WWOX: variants seen among roughly 807,000 people sequenced by gnomAD.
The protein encoded by WWOX is WW domain-containing oxidoreductase.
In WWOX, 69 loss-of-function variants were observed where a neutral mutation model predicts 46.2. The ratio of observed to expected loss-of-function variants is 1.49; its 90% CI spans 1.23 to 1.82. The LOEUF (loss-of-function observed/expected upper bound fraction) is 1.82, where lower values mean the gene tolerates loss of function less well. WWOX is among the 40% of genes most tolerant of loss of function. The pLI, the probability that WWOX is intolerant of heterozygous loss-of-function variation, is 0.00. For missense variants in WWOX, 919 were observed against 542.6 expected (o/e 1.69, Z -6.89); for synonymous variants, 359 against 202.6 (o/e 1.77, Z -6.56).
chr16:78,798,918 G>T (rs1405157034), intron 8 of WWOX, among the ~76,000 whole-genome samples: 1 of 152,148 alleles, frequency 6.6e-6, no homozygotes, highest in Non-Finnish European at 1.5e-5. Flanking sequence ...GACACCACTT[G>T]CTGCCAGTGG....
intron 8 of WWOX, among the ~76,000 whole-genome samples, chr16:79,079,077 A>G (rs945927919): frequency 1.3e-5 from 2 of 152,228 alleles, no homozygotes; most frequent in African/African-American, 4.8e-5. Flanking sequence ...GTGCCTTAAC[A>G]TAATATAAAA....
chr16:78,205,193 T>C (rs1452471707), intron 5 of WWOX, among the ~76,000 whole-genome samples: 1 of 152,060 alleles, frequency 6.6e-6, no homozygotes, highest in Non-Finnish European at 1.5e-5. Context: ...TCTTTTCCAG[T>C]GATGGGGATG....
At chr16:78,603,568 C>T (rs989148266) in intron 8 of WWOX, among the ~76,000 whole-genome samples, 2 of 152,092 alleles carry the variant, frequency 1.3e-5, no homozygotes, top group African/African-American at 4.8e-5. Context: ...GTGGCAGCCA[C>T]CTGTAGTCCC....
At chr16:79,048,519 A>G (rs534656559) in intron 8 of WWOX, among the ~76,000 whole-genome samples, 1 of 152,056 alleles carries the variant, frequency 6.6e-6, no homozygotes, top group South Asian at 2.1e-4. Flanking sequence ...GTAATCATAT[A>G]TATATATAAA....
intron 5 of WWOX, among the ~76,000 whole-genome samples, chr16:78,277,713 C>A (rs111545408): frequency 6.6e-6 from 1 of 152,098 alleles, no homozygotes; most frequent in South Asian, 2.1e-4. Flanking sequence ...CATGTTTGCA[C>A]GGTTTGGCTT....
intron 6 of WWOX, among the ~76,000 whole-genome samples, chr16:78,387,577 A>T (rs1209298586): frequency 6.6e-6 from 1 of 152,034 alleles, no homozygotes; most frequent in Non-Finnish European, 1.5e-5. Context: ...AGAAAGGGAG[A>T]GAAGCGGAAG....
intron 8 of WWOX, among the ~76,000 whole-genome samples, chr16:78,880,427 C>G (rs899151609): frequency 1.3e-5 from 2 of 152,314 alleles, no homozygotes; most frequent in South Asian, 4.1e-4. Flanking sequence ...GTTACAAATC[C>G]TCATTCGGTA....
At chr16:78,191,878 C>T (rs943501316) in intron 5 of WWOX, among the ~76,000 whole-genome samples, 1 of 152,116 alleles carries the variant, frequency 6.6e-6, no homozygotes, top group Non-Finnish European at 1.5e-5. Context: ...GATGGAATGC[C>T]TGTACTTGGA....
At chr16:79,161,965 C>T (rs747610630) in intron 8 of WWOX, among the ~76,000 whole-genome samples, 2 of 152,260 alleles carry the variant, frequency 1.3e-5, no homozygotes, top group South Asian at 2.1e-4. Flanking sequence ...AATCCACCTA[C>T]ACAGAGTGTC....
intron 5 of WWOX, among the ~76,000 whole-genome samples, chr16:78,179,314 A>G (rs563403382): frequency 8.5e-5 from 13 of 152,348 alleles, no homozygotes; most frequent in African/African-American, 2.4e-5. Context: ...CCTTCTGGAA[A>G]GAGTTATGGA....
intron 8 of WWOX, among the ~76,000 whole-genome samples, chr16:78,567,183 C>A (rs2044590055): frequency 1.3e-5 from 2 of 152,128 alleles, no homozygotes; most frequent in East Asian, 1.9e-4. Flanking sequence ...CAATTTAAGC[C>A]CCCATCATGT....
intron 5 of WWOX, among the ~76,000 whole-genome samples, chr16:78,371,697 G>A (rs1361169480): frequency 6.6e-6 from 1 of 151,594 alleles, no homozygotes; most frequent in Non-Finnish European, 1.5e-5. Flanking sequence ...AGTGTTTAGT[G>A]TTTTTTATTT....
At chr16:78,278,471 A>G in intron 5 of WWOX, 1 of 847,238 alleles carries the variant, frequency 1.2e-6, no homozygotes, top group Non-Finnish European at 1.8e-6. Flanking sequence ...GTGTTGGAAG[A>G]AGGTTTTATT....
chr16:78,499,234 G>C (rs529681153), intron 8 of WWOX, among the ~76,000 whole-genome samples: 5 of 151,914 alleles, frequency 3.3e-5, no homozygotes, highest in South Asian at 2.2e-4. Flanking sequence ...CTTTGGGGGG[G>C]TGAGGGGGCG....
chr16:78,625,064 G>C (rs986394121), intron 8 of WWOX, among the ~76,000 whole-genome samples: 5 of 152,188 alleles, frequency 3.3e-5, no homozygotes, highest in Non-Finnish European at 7.3e-5. Context: ...GCACTCGTTT[G>C]ATTTGTAGCC....
At chr16:78,395,393 C>T (rs144248454) in intron 6 of WWOX, among the ~76,000 whole-genome samples, 3,242 of 152,232 alleles carry the variant, frequency 0.021, 99 homozygotes, top group African/African-American at 0.071. Flanking sequence ...GTGGTGCACA[C>T]CTGTAGTCCC....
At chr16:79,191,310 C>T (rs2051131769) in intron 8 of WWOX, among the ~76,000 whole-genome samples, 1 of 152,182 alleles carries the variant, frequency 6.6e-6, no homozygotes, top group Admixed American at 6.5e-5. Context: ...CCCGCCTCTG[C>T]CTCCCAAAGT....
At chr16:78,771,895 G>A (rs540679430) in intron 8 of WWOX, among the ~76,000 whole-genome samples, 80 of 152,250 alleles carry the variant, frequency 5.3e-4, no homozygotes, top group Non-Finnish European at 7.2e-4. Flanking sequence ...GACAAATTTT[G>A]TGTTACATAC....
chr16:79,097,621 A>G (rs1013548289), intron 8 of WWOX, among the ~76,000 whole-genome samples: 3 of 152,202 alleles, frequency 2.0e-5, no homozygotes, highest in African/African-American at 4.8e-5. Flanking sequence ...GAATGACGAC[A>G]TTCAACATCG....
Sources: gnomAD v4.1 joint callset for allele counts (sites outside exome capture counted in the v4.1 genomes callset) on GRCh38, gnomAD v4.1.1 for gene constraint, MANE v1.5 for transcripts, NCBI Gene and HGNC (gene_info 2026-07-23, HGNC 2026-07-21) for gene names.